The following SLC39A14 variants were observed in gnomAD, a reference collection of about 807,000 sequenced individuals.
The protein encoded by SLC39A14 is solute carrier family 39 member 14, also known as metal cation symporter ZIP14.
In SLC39A14, 19 loss-of-function variants were observed where a neutral mutation model predicts 45.5. That is an observed-to-expected ratio of 0.42 (90% CI 0.29 to 0.61). The LOEUF (loss-of-function observed/expected upper bound fraction) is 0.61, where lower values mean the gene tolerates loss of function less well. Ranked by LOEUF, SLC39A14 falls within the 20% of genes least tolerant of loss-of-function variation. The probability of loss-of-function intolerance (pLI) is 0.22; values close to 1 mark genes in which losing one functional copy is unlikely to be tolerated. For missense variants in SLC39A14, 447 were observed against 616.5 expected (o/e 0.73, Z 2.91); for synonymous variants, 264 against 251.3 (o/e 1.05, Z -0.48).
At position 22,420,198 on chromosome 8, in the gene SLC39A14, A is replaced by G; in HGVS notation, c.*500A>G. ...ACAGGAAGCCTTCCCATTTTTTCAAAGTCTGTTTAATTGCCTATTACTTCT... is the reference window on the plus strand; with the variant it reads ...ACAGGAAGCCTTCCCATTTTTTCAAGGTCTGTTTAATTGCCTATTACTTCT... On this transcript the variant is annotated 3_prime_UTR_variant, in exon 9 of 9. Coordinates refer to ENST00000381237, the MANE Select transcript of SLC39A14 (RefSeq NM_001128431.4). 1 of 986,176 alleles carries G rather than the reference A, an allele frequency of 1.0e-6. No individual in the cohort carries two copies. Among genetic ancestry groups the G allele is most frequent in the Non-Finnish European group, 1.2e-6 (1 of 830,492 alleles). The allele number at this position is 986,176 out of a possible 1,614,324, so 61.1% of individuals were successfully genotyped here. A position where few individuals can be genotyped will look rare whatever the true frequency, so the allele number is the denominator to read the frequency against.
chr8:22,409,675 C>T (rs1037813232), intron 3 of SLC39A14, among the ~76,000 whole-genome samples: 1 of 152,252 alleles, frequency 6.6e-6, no homozygotes, highest in Non-Finnish European at 1.5e-5. Context: ...CGCCACCGCA[C>T]CTGGCCTACT....
At chr8:22,389,720 T>C (rs1833969368) in intron 1 of SLC39A14, 1 of 152,334 alleles carries the variant, frequency 6.6e-6, no homozygotes, top group Non-Finnish European at 1.5e-5. Context: ...AGGTAGGGCG[T>C]GCACAGGCTT....
chr8:22,406,366 T>C (rs1268773285), intron 2 of SLC39A14, among the ~76,000 whole-genome samples: 1 of 150,992 alleles, frequency 6.6e-6, no homozygotes, highest in African/African-American at 2.5e-5. Flanking sequence ...AGAGAATCAC[T>C]TGAACCCAGG....
intron 4 of SLC39A14, among the ~76,000 whole-genome samples, 195 bp downstream of exon 4, chr8:22,412,401 CAGT>C (rs1367375891): frequency 6.6e-6 from 1 of 152,232 alleles, no homozygotes; most frequent in African/African-American, 2.4e-5. Flanking sequence ...GCTCTGCTAT[CAGT>C]AGGTTCCGTA....
Position 22,401,543 on chromosome 8 carries a change from C to CTTT in SLC39A14, c.-15-3133_-15-3131dup, listed in dbSNP as rs71544899. ...CTGTCTTTCTCTTTCTCTTCTCTTT[C>CTTT]TTTTTTTTTTTTTTTTTTTTTTGAG... On this transcript the variant is annotated intron_variant, in intron 1 of 8. Coordinates refer to ENST00000381237, the MANE Select transcript of SLC39A14 (RefSeq NM_001128431.4). Among the ~76,000 whole-genome samples, 129 of 84,052 alleles carry CTTT rather than the reference C, an allele frequency of 1.5e-3. 1 individual carries two copies. The highest frequency in any genetic ancestry group is 4.2e-3 in the African/African-American group (63 of 15,008). The allele number at this position is 84,052 out of a possible 152,430, so 55.1% of individuals were successfully genotyped here. A position where few individuals can be genotyped will look rare whatever the true frequency, so the allele number is the denominator to read the frequency against.
intron 1 of SLC39A14, among the ~76,000 whole-genome samples, chr8:22,377,352 A>G (rs1048398530): frequency 1.3e-5 from 2 of 151,916 alleles, no homozygotes; most frequent in Non-Finnish European, 2.9e-5. Flanking sequence ...TCGCTGCCCC[A>G]GCCCTAGAGT....
At chr8:22,414,269 A>G (rs1173276336) in intron 4 of SLC39A14, among the ~76,000 whole-genome samples, 2 of 152,210 alleles carry the variant, frequency 1.3e-5, no homozygotes, top group East Asian at 1.9e-4. Context: ...TTCTGTGGTC[A>G]CTGGGAGGTC....
intron 4 of SLC39A14, among the ~76,000 whole-genome samples, chr8:22,412,411 C>T (rs569688245): frequency 1.3e-5 from 2 of 152,320 alleles, no homozygotes; most frequent in East Asian, 3.9e-4. Context: ...CAGTAGGTTC[C>T]GTAACCCCAG....
intron 1 of SLC39A14, among the ~76,000 whole-genome samples, chr8:22,396,878 G>A (rs1834519189): frequency 6.6e-6 from 1 of 152,088 alleles, no homozygotes; most frequent in Non-Finnish European, 1.5e-5. Flanking sequence ...GCCATGCGTG[G>A]TGCCTCCTTC....
rs1449099965 is a variant in SLC39A14, at chr8:22,404,740, C to T, written c.30C>T (p.Phe10=). Residue 10 remains phenylalanine (F), a synonymous_variant, in exon 2 of 9, where the codon TTC becomes TTT. Coordinates refer to ENST00000381237, the MANE Select transcript of SLC39A14 (RefSeq NM_001128431.4). The part of the protein sequence containing the change: MKLLLLHPA[F]QSCLLLTLLG... The stretch of plus-strand genomic sequence containing the variant: ...AGCTGCTGCTGCTGCACCCGGCCTT[C>T]CAGAGCTGCCTCCTGCTGACCCTGC... 2 of 1,613,884 alleles carry T rather than the reference C, an allele frequency of 1.2e-6. No homozygotes were observed. Among genetic ancestry groups the T allele is most frequent in the Admixed American group, 1.7e-5 (1 of 60,032 alleles).
chr8:22,423,182 C>G (rs1437975120), downstream of SLC39A14, among the ~76,000 whole-genome samples: 1 of 152,014 alleles, frequency 6.6e-6, no homozygotes, highest in Non-Finnish European at 1.5e-5. Flanking sequence ...CTCACTCTGT[C>G]ACCCAGGCTG....
chr8:22,404,627 G>T, intron 1 of SLC39A14, 69 bp from the exon 2 acceptor site: 2 of 1,454,022 alleles, frequency 1.4e-6, no homozygotes, highest in Non-Finnish European at 1.9e-6. Flanking sequence ...AGTGTGTGGC[G>T]GGCGGGCCTG....
chr8:22,376,123 G>T (rs4872479), intron 1 of SLC39A14, among the ~76,000 whole-genome samples: 16,828 of 152,030 alleles, frequency 0.11, 1,632 homozygotes, highest in African/African-American at 0.26. Context: ...ATGTTGGAAC[G>T]CAAAGTGATG....
At chr8:22,409,909 G>GT in intron 3 of SLC39A14, 1 of 1,611,548 alleles carries the variant, frequency 6.2e-7, no homozygotes. Flanking sequence ...CCCACCCTCA[G>GT]TAATAGAGGC....
chr8:22,424,082 G>A (rs965314919), downstream of SLC39A14, among the ~76,000 whole-genome samples: 1 of 152,034 alleles, frequency 6.6e-6, no homozygotes, highest in Non-Finnish European at 1.5e-5. Flanking sequence ...CACCAAGCCT[G>A]GCCAAAATCG....
chr8:22,425,965 C>T (rs1211607367), downstream of SLC39A14, among the ~76,000 whole-genome samples: 4 of 149,778 alleles, frequency 2.7e-5, no homozygotes, highest in African/African-American at 9.8e-5. Context: ...GATCTCGGCT[C>T]ACCGCAACCT....
chr8:22,425,693 T>TTTTTG (rs2132397697), downstream of SLC39A14, among the ~76,000 whole-genome samples: 1 of 152,042 alleles, frequency 6.6e-6, no homozygotes, highest in African/African-American at 2.4e-5. Context: ...TTTTCAGGAG[T>TTTTTG]TTTTTGTTTT....
At chr8:22,417,137 C>T (rs1290680268) in intron 7 of SLC39A14, among the ~76,000 whole-genome samples, 2 of 152,350 alleles carry the variant, frequency 1.3e-5, no homozygotes, top group Non-Finnish European at 2.9e-5. Context: ...CATATATTGA[C>T]TTGTGACTTC....
chr8:22,378,901 C>T (rs145427304), intron 1 of SLC39A14, among the ~76,000 whole-genome samples: 56 of 152,286 alleles, frequency 3.7e-4, no homozygotes, highest in African/African-American at 1.3e-3. Flanking sequence ...GATCTGTGTC[C>T]CATGGTTCCC....
Sources: gnomAD v4.1 joint callset for allele counts (sites outside exome capture counted in the v4.1 genomes callset) on GRCh38, gnomAD v4.1.1 for gene constraint, MANE v1.5 for transcripts, NCBI Gene and HGNC (gene_info 2026-07-23, HGNC 2026-07-21) for gene names.